Variants in PRUNE2 observed in about 807,000 individuals in gnomAD.
PRUNE2 encodes the protein prune homolog 2 with BCH domain.
In PRUNE2, 164 loss-of-function variants were observed where a neutral mutation model predicts 252.0. The observed-to-expected ratio is 0.65, with a 90% CI of 0.57 to 0.74. The LOEUF (loss-of-function observed/expected upper bound fraction) is 0.74. Among genes scored for constraint, PRUNE2 ranks in the 30% least tolerant of loss-of-function variants. The probability of loss-of-function intolerance (pLI) is 0.00; values close to 1 mark genes in which losing one functional copy is unlikely to be tolerated. For synonymous variants in PRUNE2, 1,292 were observed against 1,350.2 expected, an observed-to-expected ratio of 0.96 and a Z score of 0.94; for missense variants, 3,495 against 3,711.0, an observed-to-expected ratio of 0.94 and a Z score of 1.51.
At position 76,703,499 on chromosome 9, in the gene PRUNE2, C is replaced by A. The variant is rs2046063944; in HGVS notation, c.8114G>T (p.Gly2705Val). The change falls in exon 9 of 19, where the codon GGC (glycine) becomes GTC (valine). Residue 2705 changes from glycine to valine, a missense_variant. Gly to Val is a moderately radical substitution (Grantham distance 109). Coordinates refer to ENST00000376718, the MANE Select transcript of PRUNE2 (RefSeq NM_015225.3). ...VSQSQKSKSR[G>V]RAGPDAVTLQ... ...CGTAACTGCATCCGGGCCAGCCCTG[C>A]CTCGGCTCTTACTCTTCTGTGATTG... 6.2e-7 allele frequency: 1 copy of A among 1,613,750 alleles called. No homozygotes were observed. The highest frequency in any genetic ancestry group is 8.5e-7 in the Non-Finnish European group (1 of 1,179,874).
At chr9:76,751,437 T>C (rs2050608743) in intron 6 of PRUNE2, among the ~76,000 whole-genome samples, 1 of 152,222 alleles carries the variant, frequency 6.6e-6, no homozygotes, top group Non-Finnish European at 1.5e-5. Flanking sequence ...TTTTGCATAC[T>C]TGCTATGAAC....
chr9:76,694,766 A>T lies in PRUNE2; in HGVS notation c.8276+8571T>A, dbSNP rs79204376. Among the ~76,000 whole-genome samples, 165 of 132,544 alleles carry T rather than the reference A, an allele frequency of 1.2e-3. 2 individuals carry two copies. The highest frequency in any genetic ancestry group is 3.1e-3 in the African/African-American group (120 of 38,510). 87.0% of individuals were successfully genotyped at this position (132,544 alleles called of 152,430 possible). ...CATTATACAAAGGCAGTTAAAAAAA[A>T]TTTTTTTTAAATAAGAATTACTGCT... is the stretch of plus-strand genomic sequence containing the variant. On this transcript the variant is annotated intron_variant, in intron 9 of 18. Coordinates refer to ENST00000376718, the MANE Select transcript of PRUNE2 (RefSeq NM_015225.3).
At chr9:76,854,527 A>G (rs915442617) in intron 1 of PRUNE2, among the ~76,000 whole-genome samples, 2 of 152,222 alleles carry the variant, frequency 1.3e-5, no homozygotes, top group African/African-American at 4.8e-5. Flanking sequence ...TAAGGGGCAT[A>G]GTATTCTATA....
intron 6 of PRUNE2, among the ~76,000 whole-genome samples, chr9:76,715,859 T>C (rs918186620): frequency 6.6e-6 from 1 of 152,120 alleles, no homozygotes; most frequent in Non-Finnish European, 1.5e-5. Context: ...GTAGCAACTA[T>C]GAACTGTAAA....
intron 10 of PRUNE2, 134 bp from the exon 11 acceptor site, chr9:76,652,817 C>G (rs1320705595): frequency 2.6e-5 from 16 of 627,290 alleles, no homozygotes; most frequent in Non-Finnish European, 4.5e-5. Flanking sequence ...GAAATACTCA[C>G]TGGAGCATTT....
At chr9:76,694,418 G>C (rs1296577402) in intron 9 of PRUNE2, among the ~76,000 whole-genome samples, 2 of 152,106 alleles carry the variant, frequency 1.3e-5, no homozygotes, top group African/African-American at 4.8e-5. Context: ...CCTGGCCTCA[G>C]GTGATCCTCT....
chr9:76,629,493 T>C (rs1232756899), intron 15 of PRUNE2, among the ~76,000 whole-genome samples: 1 of 152,174 alleles, frequency 6.6e-6, no homozygotes, highest in Non-Finnish European at 1.5e-5. Context: ...GTTTTTAAAA[T>C]TTATTTTTTA....
chr9:76,715,770 C>T (rs1463130198), intron 6 of PRUNE2, among the ~76,000 whole-genome samples: 9 of 152,074 alleles, frequency 5.9e-5, no homozygotes, highest in Admixed American at 5.9e-4. Context: ...AATCAAAACT[C>T]ATATACAATG....
chr9:76,778,789 A>G (rs928763825), intron 6 of PRUNE2: 2 of 152,234 alleles, frequency 1.3e-5, no homozygotes, highest in African/African-American at 4.8e-5. Context: ...ATTTGGTGGA[A>G]CTGAGAAATG....
At chr9:76,625,169 A>G in intron 16 of PRUNE2, 1 of 621,604 alleles carries the variant, frequency 1.6e-6, no homozygotes, top group South Asian at 1.5e-5. Context: ...GCCTATCCAG[A>G]TACAGTCATG....
At chr9:76,624,408 C>A in intron 17 of PRUNE2, 44 bp downstream of exon 17, 1 of 1,332,154 alleles carries the variant, frequency 7.5e-7, no homozygotes. Flanking sequence ...TTCTGAAATG[C>A]AAGCCAACAT....
At chr9:76,635,118 C>A (rs1365806491) in intron 15 of PRUNE2, among the ~76,000 whole-genome samples, 1 of 152,080 alleles carries the variant, frequency 6.6e-6, no homozygotes, top group Non-Finnish European at 1.5e-5. Flanking sequence ...TATAGGCACA[C>A]CACCACCATG....
intron 12 of PRUNE2, chr9:76,641,871 C>T (rs1564420977): frequency 2.9e-6 from 4 of 1,387,530 alleles, no homozygotes; most frequent in Non-Finnish European, 3.9e-6. Flanking sequence ...GGAAAGATGT[C>T]ACAGTCGCAA....
chr9:76,696,785 T>G (rs1465265749), intron 9 of PRUNE2, among the ~76,000 whole-genome samples: 1 of 152,064 alleles, frequency 6.6e-6, no homozygotes, highest in Non-Finnish European at 1.5e-5. Context: ...GAGGCGGGAG[T>G]GCCTCCCGCT....
intron 18 of PRUNE2, 126 bp from the exon 19 acceptor site, chr9:76,614,726 A>G: frequency 1.4e-6 from 1 of 703,510 alleles, no homozygotes; most frequent in Middle Eastern, 2.6e-4. Flanking sequence ...AAATCATGCA[A>G]GTTTCTTATA....
At chr9:76,719,219 A>T (rs115952767) in intron 6 of PRUNE2, among the ~76,000 whole-genome samples, 2,107 of 152,234 alleles carry the variant, frequency 0.014, 42 homozygotes, top group African/African-American at 0.047. Flanking sequence ...TTCCCAATGC[A>T]ATTATTATTA....
At position 76,709,833 on chromosome 9, in the gene PRUNE2, T is replaced by C. The variant is rs1214302620; in HGVS notation, c.2441A>G (p.Asn814Ser). Residue 814 changes from asparagine to serine, a missense_variant, in exon 8 of 19, where the codon AAT becomes AGT. Coordinates refer to ENST00000376718, the MANE Select transcript of PRUNE2 (RefSeq NM_015225.3). ...GCTTGTTGGGTGCAAATTCCAGGTA[T>C]TTTTTAAAGCTTCATCATGATCTTC... Reference protein sequence around the residue: ...GKEDHDEALKNTWNLHPTSSK... With the variant: ...GKEDHDEALKSTWNLHPTSSK... The C allele has an allele frequency of 2.5e-6, 4 of 1,613,796 alleles. No individual in the cohort carries two copies. Among genetic ancestry groups the C allele is most frequent in the Non-Finnish European group, 3.4e-6 (4 of 1,179,758 alleles).
intron 4 of PRUNE2, among the ~76,000 whole-genome samples, chr9:76,833,891 T>TG (rs1030553925): frequency 1.3e-5 from 2 of 150,560 alleles, no homozygotes; most frequent in African/African-American, 4.9e-5. Flanking sequence ...TTTTTGTTTT[T>TG]TTTTTTTTAA....
chr9:76,710,808 T>A lies in PRUNE2; in HGVS notation c.1466A>T (p.Glu489Val). Residue 489 changes from glutamate to valine, a missense_variant, in exon 8 of 19, where the codon GAG (glutamate) becomes GTG (valine). By Grantham distance (121) the Glu-to-Val change is moderately radical. Transcript: ENST00000376718. ...EEHAWSGEHG[E>V]HFDLFNFDPA... is the part of the protein sequence containing the mutation. ...GTCAAAATTGAAGAGGTCGAAGTGC[T>A]CACCGTGTTCTCCAGACCATGCATG... is the stretch of plus-strand genomic sequence containing the variant. 6.4e-7 allele frequency: 1 copy of A among 1,574,468 alleles called. No individual in the cohort carries two copies.
Sources: gnomAD v4.1 joint callset for allele counts (sites outside exome capture counted in the v4.1 genomes callset) on GRCh38, gnomAD v4.1.1 for gene constraint, MANE v1.5 for transcripts, NCBI Gene and HGNC (gene_info 2026-07-23, HGNC 2026-07-21) for gene names.